Variants in DCHS1 observed in about 807,000 individuals in gnomAD.
The protein encoded by DCHS1 is protocadherin-16.
DCHS1 carries 78 observed loss-of-function variants against 213.9 expected under a neutral mutation model. That is an observed-to-expected ratio of 0.36 (90% CI 0.30 to 0.44). The LOEUF (loss-of-function observed/expected upper bound fraction) is 0.44. Among genes scored for constraint, DCHS1 ranks in the 20% least tolerant of loss-of-function variants. DCHS1 has a pLI of 1.00. For synonymous variants in DCHS1, 1,828 were observed against 1,873.7 expected (o/e 0.98, Z 0.63); for missense variants, 3,946 against 4,395.9 (o/e 0.90, Z 2.89).
At chr11:6,631,934 G>T in intron 6 of DCHS1, 97 bp downstream of exon 6, 2 of 1,447,954 alleles carry the variant, frequency 1.4e-6, no homozygotes, top group South Asian at 3.0e-5. Context: ...TCATTCTCAG[G>T]GGCGAGATGG....
rs1855686399 is a variant in DCHS1 at position 6,621,550 on chromosome 11, TC to T, written c.*228del. On this transcript the variant is annotated 3_prime_UTR_variant, in exon 21 of 21. Coordinates refer to ENST00000299441, the MANE Select transcript of DCHS1 (RefSeq NM_003737.4). ...CTGAGGAGAACCCAGGGCTGCTACCTCCTTCATATTTCTCCCCACATTGGAC... is the reference window on the plus strand; with the variant it reads ...CTGAGGAGAACCCAGGGCTGCTACCTCTTCATATTTCTCCCCACATTGGAC... The T allele has an allele frequency of 1.5e-6, 1 of 683,088 alleles. No individual in the cohort carries two copies. The highest frequency in any genetic ancestry group is 2.7e-6 in the Non-Finnish European group (1 of 374,440). 42.3% of individuals were successfully genotyped at this position (683,088 alleles called of 1,614,324 possible). A position where few individuals can be genotyped will look rare whatever the true frequency, so the allele number is the denominator to read the frequency against.
At chr11:6,654,747 C>T (rs1192328979) in intron 1 of DCHS1, among the ~76,000 whole-genome samples, 2 of 152,044 alleles carry the variant, frequency 1.3e-5, no homozygotes, top group East Asian at 3.9e-4. Context: ...ATGACTGTGT[C>T]CCTATGGGTA....
At chr11:6,653,916 T>C (rs1856280393) in intron 1 of DCHS1, among the ~76,000 whole-genome samples, 1 of 152,056 alleles carries the variant, frequency 6.6e-6, no homozygotes, top group Non-Finnish European at 1.5e-5. Context: ...TATAGGAGGT[T>C]GTGGGTAGAG....
chr11:6,631,059 C>A lies in DCHS1; in HGVS notation c.3924G>T (p.Leu1308=). Residue 1308 remains leucine (L), a synonymous_variant, in exon 9 of 21, where the codon CTG becomes CTT. Coordinates refer to ENST00000299441, the MANE Select transcript of DCHS1 (RefSeq NM_003737.4). ...SPPRSASLQL[L]VQVLPSARLA... ...GGAGGAAGGGCAGCCATACCTGCAC[C>A]AGCAGCTGGAGGCTGGCACTTCGAG... 6.2e-7 allele frequency: 1 copy of A among 1,606,754 alleles called. No homozygotes were observed. Among genetic ancestry groups the A allele is most frequent in the Non-Finnish European group, 8.5e-7 (1 of 1,176,182 alleles).
chr11:6,645,203 A>G (rs1856138400), intron 1 of DCHS1, among the ~76,000 whole-genome samples: 1 of 152,198 alleles, frequency 6.6e-6, no homozygotes, highest in Non-Finnish European at 1.5e-5. Context: ...CAGCTTCAGA[A>G]TGCTGGGGTT....
intron 20 of DCHS1, 52 bp from the exon 21 acceptor site, chr11:6,624,442 A>C (rs1855760484): frequency 6.7e-7 from 1 of 1,486,332 alleles, no homozygotes; most frequent in East Asian, 2.5e-5. Context: ...GCTGTGAGTG[A>C]ACAGAAGAGT....
rs763689467 is a variant in DCHS1, at chr11:6,632,875, C to T, written c.2637G>A (p.Arg879=). The change falls in exon 6 of 21, where the codon CGG becomes CGA. Residue 879 remains arginine (R), a synonymous_variant. Transcript: ENST00000299441. The surrounding 1 kb of genome is among the most constrained non-coding windows in gnomAD (Gnocchi z 5.9). The part of the protein sequence containing the change: ...SGVPPAFAVA[R]VRVLLDDVND... ...TCACATCATCCAGCAGCACACGCAC[C>T]CGAGCTACAGCGAAAGCTGGGGGCA... 6.2e-7 allele frequency: 1 copy of T among 1,614,028 alleles called. No individual in the cohort carries two copies. Among genetic ancestry groups the T allele is most frequent in the Non-Finnish European group, 8.5e-7 (1 of 1,179,886 alleles).
In DCHS1 at chr11:6,625,348, G is replaced by A. The variant is rs778979302; in HGVS notation, c.6996C>T (p.Ser2332=). 1.9e-6 allele frequency: 3 copies of A among 1,613,778 alleles called. 1 individual carries two copies. Among genetic ancestry groups the A allele is most frequent in the South Asian group, 2.2e-5 (2 of 91,086 alleles). Residue 2332 remains serine, a synonymous_variant, in exon 19 of 21, where the codon TCC becomes TCT. Coordinates refer to ENST00000299441, the MANE Select transcript of DCHS1 (RefSeq NM_003737.4). This position sits in a 1 kb window ranked among gnomAD's most constrained non-coding sequence, Gnocchi z 5.3. ...GCTCAAAGTCCAGGGGCCCCGTGAG[G>A]GAGACACGGCCTCCATAGCGGCCAA... is the stretch of plus-strand genomic sequence containing the variant. ...FSVGRYGGRV[S]LTGPLDFEQC... is the part of the protein sequence containing the mutation.
At chr11:6,633,188 G>A in intron 5 of DCHS1, 132 bp from the exon 6 acceptor site, 4 of 1,226,940 alleles carry the variant, frequency 3.3e-6, no homozygotes, top group Non-Finnish European at 4.5e-6. Context: ...AGGAGGGGCA[G>A]GGGTTGGCAA....
Position 6,625,398 on chromosome 11 carries a change from A to G in DCHS1, c.6946T>C (p.Ser2316Pro). Reference protein sequence around the residue: ...GPVLWYVLSPSGPQDPFSVGR... With the variant: ...GPVLWYVLSPPGPQDPFSVGR... ...ACACTGAAGGGATCCTGGGGCCCAG[A>G]TGGGCTTAGCACATACCACAGCACG... Residue 2316 changes from serine to proline, a missense_variant, in exon 19 of 21, where the codon TCT becomes CCT. By Grantham distance (74) the Ser-to-Pro change is moderately conservative. Around this residue, in one of 3 missense-constraint regions of DCHS1, gnomAD observed 3,384 missense variants for 3,780.1 expected, o/e 0.90. Coordinates refer to ENST00000299441, the MANE Select transcript of DCHS1 (RefSeq NM_003737.4). This position sits in a 1 kb window ranked among gnomAD's most constrained non-coding sequence, Gnocchi z 5.3. The G allele has an allele frequency of 2.5e-6, 4 of 1,611,636 alleles. No homozygotes were observed. Among genetic ancestry groups the G allele is most frequent in the Middle Eastern group, 1.7e-4 (1 of 6,044 alleles).
Position 6,627,199 on chromosome 11 carries a change from G to A in DCHS1, c.5840C>T (p.Thr1947Ile). 6.2e-7 allele frequency: 1 copy of A among 1,613,180 alleles called. No individual in the cohort carries two copies. Among genetic ancestry groups the A allele is most frequent in the East Asian group, 2.2e-5 (1 of 44,882 alleles). Residue 1947 changes from threonine to isoleucine, a missense_variant, in exon 14 of 21, where the codon ACC (threonine) becomes ATC (isoleucine). This residue lies in a region of DCHS1 where 3,384 missense variants were observed against 3,780.1 expected (regional missense o/e 0.90). Transcript: ENST00000299441. This position sits in a 1 kb window ranked among gnomAD's most constrained non-coding sequence, Gnocchi z 5.4. Reference protein sequence around the residue: ...AGPLSTTVSVTITVRDVNDHA... With the variant: ...AGPLSTTVSVIITVRDVNDHA... ...GTCATTGACATCGCGCACCGTGATGGTGACAGACACTGTGGTGCTTAGGGG... is the reference window on the plus strand; with the variant it reads ...GTCATTGACATCGCGCACCGTGATGATGACAGACACTGTGGTGCTTAGGGG...
intron 1 of DCHS1, among the ~76,000 whole-genome samples, chr11:6,643,079 C>T (rs538430203): frequency 1.1e-4 from 17 of 152,204 alleles, no homozygotes; most frequent in African/African-American, 3.9e-4. Flanking sequence ...TGTCCTTAAC[C>T]GCTCAGAAAG....
rs374516352 is a variant in DCHS1, at chr11:6,622,682, G to C, written c.8994C>G (p.Pro2998=). ...GAGTCTGGTGATAGAGGTGCTCAGA[G>C]GGTGGTGGACTAGGTGGCTCCCGGC... ...KLGREPPSPP[P]SEHLYHQTLP... Residue 2998 remains proline (P), a synonymous_variant, in exon 21 of 21, where the codon CCC becomes CCG. Coordinates refer to ENST00000299441, the MANE Select transcript of DCHS1 (RefSeq NM_003737.4). The surrounding 1 kb of genome is among the most constrained non-coding windows in gnomAD (Gnocchi z 5.4). 40 of 1,594,226 alleles carry C rather than the reference G, an allele frequency of 2.5e-5. No homozygotes were observed. Among genetic ancestry groups the C allele is most frequent in the Non-Finnish European group, 3.4e-5 (40 of 1,170,776 alleles).
At chr11:6,636,194 T>C (rs1047267025) in intron 2 of DCHS1, among the ~76,000 whole-genome samples, 4 of 152,108 alleles carry the variant, frequency 2.6e-5, no homozygotes, top group African/African-American at 9.7e-5. Context: ...GCTTTGACTT[T>C]TCAAAACATA....
At position 6,630,713 on chromosome 11, in the gene DCHS1, C is replaced by T; in HGVS notation, c.4081G>A (p.Gly1361Ser). The T allele has an allele frequency of 6.5e-7, 1 of 1,544,284 alleles. No individual in the cohort carries two copies. The highest frequency in any genetic ancestry group is 8.7e-7 in the Non-Finnish European group (1 of 1,147,786). Reference protein sequence around the residue: ...LGSVAAPEPAGVGALTYTLVG... With the variant: ...LGSVAAPEPASVGALTYTLVG... ...AGTGTGTAGGTGAGTGCACCCACAC[C>T]CGCGGGCTCTGGCGCTGCCACCGAG... Residue 1361 changes from glycine (G) to serine (S), a missense_variant, in exon 10 of 21, where the codon GGT becomes AGT. By Grantham distance (56) the Gly-to-Ser change is moderately conservative. Transcript: ENST00000299441.
At position 6,629,453 on chromosome 11, in the gene DCHS1, T is replaced by A. The variant is rs117031105; in HGVS notation, c.5160A>T (p.Thr1720=). Reference sequence around the variant, plus strand: ...TCTTGGGGTCCTGTCAACATGTACCTGTCAGGTTGATCTCCTCCTGTTCCT... The same window carrying A: ...TCTTGGGGTCCTGTCAACATGTACCAGTCAGGTTGATCTCCTCCTGTTCCT... ...DREEQEEINL[T]VYAQDRGSPP... Residue 1720 remains threonine, a splice_region_variant and synonymous_variant, in exon 12 of 21, where the codon ACA becomes ACT. Coordinates refer to ENST00000299441, the MANE Select transcript of DCHS1 (RefSeq NM_003737.4). 20,884 of 1,612,916 alleles carry A rather than the reference T, an allele frequency of 0.013. 194 individuals carry two copies. Among genetic ancestry groups the A allele is most frequent in the East Asian group, 0.035 (1,549 of 44,882 alleles).
rs1167960277 is a variant in DCHS1, at chr11:6,628,832, T to C, written c.5162-2A>G. 1 of 1,611,886 alleles carries C rather than the reference T, an allele frequency of 6.2e-7. No homozygotes were observed. ...GTGAGCCCCTGTCCTGGGCATACAC[T>C]GTGGGGAAGCAAAATCAATGAGGTC... On this transcript the variant is annotated splice_acceptor_variant, in intron 12 of 20. Transcript: ENST00000299441. LOFTEE classifies it high-confidence loss of function. This position sits in a 1 kb window ranked among gnomAD's most constrained non-coding sequence, Gnocchi z 4.3.
rs1387257472 is a variant in DCHS1, at chr11:6,625,282, C to T, written c.7062G>A (p.Gly2354=). ...TGAGGTTGGCACGGCCCTCATGAGG[C>T]CCATCATGTGCCAGCAGCTGCAGCT... is the stretch of plus-strand genomic sequence containing the variant. ...RYQLQLLAHD[G]PHEGRANLTV... Residue 2354 remains glycine (G), a synonymous_variant, in exon 19 of 21, where the codon GGG becomes GGA. Transcript: ENST00000299441. The surrounding 1 kb of genome is among the most constrained non-coding windows in gnomAD (Gnocchi z 5.3). 2 of 1,613,844 alleles carry T rather than the reference C, an allele frequency of 1.2e-6. No individual in the cohort carries two copies. Among genetic ancestry groups the T allele is most frequent in the Non-Finnish European group, 1.7e-6 (2 of 1,179,850 alleles).
At position 6,623,902 on chromosome 11, in the gene DCHS1, C is replaced by G. The variant is rs566514566; in HGVS notation, c.7774G>C (p.Val2592Leu). ...QSSVVPVTVT[V>L]LDVNDNPPVF... ...GGTGGGTTGTCATTGACATCTAGTA[C>G]AGTGACAGTGACTGGCACGACTGAG... Residue 2592 changes from valine (V) to leucine (L), a missense_variant, in exon 21 of 21, where the codon GTA becomes CTA. By Grantham distance (32) the Val-to-Leu change is conservative. This residue lies in a region of DCHS1 where 3,384 missense variants were observed against 3,780.1 expected (regional missense o/e 0.90). Coordinates refer to ENST00000299441, the MANE Select transcript of DCHS1 (RefSeq NM_003737.4). 6.2e-7 allele frequency: 1 copy of G among 1,609,232 alleles called. No individual in the cohort carries two copies. The highest frequency in any genetic ancestry group is 1.3e-5 in the African/African-American group (1 of 74,956).
Sources: allele counts gnomAD v4.1 joint callset (sites outside exome capture counted in the v4.1 genomes callset), GRCh38; gene constraint gnomAD v4.1.1; regional missense constraint gnomAD v4.1.1; non-coding constraint Gnocchi (gnomAD v3.1); transcripts MANE v1.5; gene names NCBI Gene and HGNC (gene_info 2026-07-23, HGNC 2026-07-21).